MMS22L: variants seen among roughly 807,000 people sequenced by gnomAD.
MMS22L encodes protein MMS22-like.
In MMS22L, 74 loss-of-function variants were observed where a neutral mutation model predicts 159.1. That is an observed-to-expected ratio of 0.47 (90% confidence interval 0.39 to 0.56). The LOEUF (loss-of-function observed/expected upper bound fraction) is 0.56. Ranked by LOEUF, MMS22L falls within the 20% of genes least tolerant of loss-of-function variation. The probability of loss-of-function intolerance (pLI) is 0.00; values close to 1 mark genes in which losing one functional copy is unlikely to be tolerated. For missense variants in MMS22L, 1,351 were observed against 1,422.1 expected, an observed-to-expected ratio of 0.95 and a Z score of 0.80; for synonymous variants, 517 against 506.9, an observed-to-expected ratio of 1.02 and a Z score of -0.27.
intron 16 of MMS22L, among the ~76,000 whole-genome samples, chr6:97,181,595 T>C (rs373528111): frequency 5.5e-4 from 84 of 152,282 alleles, no homozygotes; most frequent in African/African-American, 1.9e-3. Flanking sequence ...TAATAATAAA[T>C]GTGTAATTTC....
At chr6:97,281,179 C>T (rs2128104324) in intron 3 of MMS22L, 58 bp downstream of exon 3, 7 of 1,521,222 alleles carry the variant, frequency 4.6e-6, no homozygotes, top group South Asian at 3.8e-5. Context: ...CACCCAACAA[C>T]GTAATTTACA....
chr6:97,202,876 T>C (rs1000954345), intron 14 of MMS22L, among the ~76,000 whole-genome samples: 1 of 152,200 alleles, frequency 6.6e-6, no homozygotes, highest in African/African-American at 2.4e-5. Context: ...TAAAGAACTA[T>C]ACTACTAATC....
chr6:97,220,445 T>C (rs1455812978), intron 14 of MMS22L, among the ~76,000 whole-genome samples: 1 of 152,052 alleles, frequency 6.6e-6, no homozygotes, highest in Non-Finnish European at 1.5e-5. Context: ...AACCAATAAA[T>C]TGTATGGTGT....
chr6:97,277,942 T>G (rs1336394058), intron 4 of MMS22L, among the ~76,000 whole-genome samples: 3 of 152,196 alleles, frequency 2.0e-5, no homozygotes. Flanking sequence ...TGTTAAGCAC[T>G]TAACACGCTC....
At chr6:97,264,091 T>C (rs913486925) in intron 8 of MMS22L, 2 of 152,174 alleles carry the variant, frequency 1.3e-5, no homozygotes, top group African/African-American at 4.8e-5. Flanking sequence ...TACTGAACTC[T>C]GCCATTTCAG....
intron 24 of MMS22L, among the ~76,000 whole-genome samples, chr6:97,149,087 G>A (rs1181693451): frequency 1.3e-5 from 2 of 152,146 alleles, no homozygotes; most frequent in South Asian, 2.1e-4. Context: ...CATTGCCTAG[G>A]TGTGTGGTAT....
intron 21 of MMS22L, among the ~76,000 whole-genome samples, chr6:97,164,007 G>C (rs1205470692): frequency 6.6e-6 from 1 of 151,980 alleles, no homozygotes; most frequent in Admixed American, 6.6e-5. Context: ...TTAATGGCAG[G>C]GAAGTTTCAT....
intron 14 of MMS22L, among the ~76,000 whole-genome samples, chr6:97,206,950 CATT>C (rs1026750686): frequency 1.3e-5 from 2 of 152,194 alleles, no homozygotes; most frequent in African/African-American, 4.8e-5. Context: ...TCTTTCCCAT[CATT>C]AACTGAAATA....
At chr6:97,257,416 G>A (rs1198182192) in intron 9 of MMS22L, among the ~76,000 whole-genome samples, 2 of 152,042 alleles carry the variant, frequency 1.3e-5, no homozygotes, top group African/African-American at 4.8e-5. Context: ...TATTTTTAGA[G>A]TATACCAGTT....
rs755430940 is a variant in MMS22L, at chr6:97,186,689, T to G, written c.2041A>C (p.Ser681Arg). ...TCCTGACACAATTGTTGATGCATACTCCTAAAAAGAAATAAAAATACAGCT... is the reference window on the plus strand; with the variant it reads ...TCCTGACACAATTGTTGATGCATACGCCTAAAAAGAAATAAAAATACAGCT... ...FLQAVLARIR[S>R]MHQQLCQELQ... Residue 681 changes from serine (S) to arginine (R), a missense_variant and splice_region_variant, in exon 15 of 25, where the codon AGT becomes CGT. Physicochemically the swap from Ser to Arg is moderately radical, Grantham distance 110. Transcript: ENST00000683635. 4 of 1,515,920 alleles carry G rather than the reference T, an allele frequency of 2.6e-6. No homozygotes were observed. In the Admixed American group the frequency reaches 9.0e-5, roughly 34 times the overall value. The allele number at this position is 1,515,920 out of a possible 1,614,324, so 93.9% of individuals were successfully genotyped here. A position where few individuals can be genotyped will look rare whatever the true frequency, so the allele number is the denominator to read the frequency against.
At chr6:97,165,163 C>A in intron 21 of MMS22L, 83 bp downstream of exon 21, 1 of 1,225,046 alleles carries the variant, frequency 8.2e-7, no homozygotes, top group South Asian at 1.3e-5. Context: ...TAAGGGTTGC[C>A]AATATGTTTG....
chr6:97,208,159 C>T (rs1006545573), intron 14 of MMS22L, among the ~76,000 whole-genome samples: 1 of 152,076 alleles, frequency 6.6e-6, no homozygotes, highest in Non-Finnish European at 1.5e-5. Flanking sequence ...TTCCCTTTAT[C>T]ACTCAATCCC....
chr6:97,223,393 A>T (rs1174032331), intron 14 of MMS22L, among the ~76,000 whole-genome samples: 2 of 152,114 alleles, frequency 1.3e-5, no homozygotes, highest in African/African-American at 4.8e-5. Flanking sequence ...AAATATCATC[A>T]ATCTATATAA....
At position 97,247,181 on chromosome 6, in the gene MMS22L, C is replaced by T. The variant is rs573453317; in HGVS notation, c.1120-491G>A. On this transcript the variant is annotated intron_variant, in intron 10 of 24. Coordinates refer to ENST00000683635, the MANE Select transcript of MMS22L (RefSeq NM_001350599.2). ...ACAGAAAATAAATTGACAACCTCGACTATCTAGAATGATTTCCATAAGGAA... is the reference window on the plus strand; with the variant it reads ...ACAGAAAATAAATTGACAACCTCGATTATCTAGAATGATTTCCATAAGGAA... 7.0e-4 allele frequency among the ~76,000 whole-genome samples: 107 copies of T among 152,148 alleles called. 1 individual carries two copies. The highest frequency in any genetic ancestry group is 6.8e-3 in the Middle Eastern group (2 of 294).
chr6:97,163,925 A>G (rs897066517), intron 21 of MMS22L, among the ~76,000 whole-genome samples: 5 of 152,104 alleles, frequency 3.3e-5, no homozygotes, highest in African/African-American at 1.2e-4. Flanking sequence ...ACATTTGGAA[A>G]CGGTAAGTGA....
intron 9 of MMS22L, among the ~76,000 whole-genome samples, chr6:97,262,756 T>C (rs1208122497): frequency 1.3e-5 from 2 of 151,490 alleles, no homozygotes; most frequent in African/African-American, 4.9e-5. Flanking sequence ...CCCTTTCATA[T>C]AACATAAACC....
At chr6:97,242,610 G>A (rs1273393028) in intron 11 of MMS22L, among the ~76,000 whole-genome samples, 1 of 152,126 alleles carries the variant, frequency 6.6e-6, no homozygotes, top group East Asian at 1.9e-4. Flanking sequence ...TGAGATGTAA[G>A]GTACTATTCT....
chr6:97,142,191 A>G lies in MMS22L; in HGVS notation c.*4615T>C, dbSNP rs1800671657. 6.6e-6 allele frequency: 1 copy of G among 151,808 alleles called. No homozygotes were observed. The highest frequency in any genetic ancestry group is 1.9e-4 in the East Asian group (1 of 5,188). The allele number at this position is 151,808 out of a possible 1,614,324, so 9.4% of individuals were successfully genotyped here. A position where few individuals can be genotyped will look rare whatever the true frequency, so the allele number is the denominator to read the frequency against. On this transcript the variant is annotated 3_prime_UTR_variant, in exon 25 of 25. Transcript: ENST00000683635. ...TACATATATACTTTTATTATTATAT[A>G]TAATTTTATCATATGCACAAATAAC...
intron 17 of MMS22L, 29 bp downstream of exon 17, chr6:97,179,379 T>A (rs760198067): frequency 1.3e-6 from 2 of 1,598,300 alleles, no homozygotes; most frequent in South Asian, 1.1e-5. Flanking sequence ...GATACCCCCA[T>A]CCTCCCCAAA....
Sources: allele counts gnomAD v4.1 joint callset (sites outside exome capture counted in the v4.1 genomes callset), GRCh38; gene constraint gnomAD v4.1.1; transcripts MANE v1.5; gene names NCBI Gene and HGNC (gene_info 2026-07-23, HGNC 2026-07-21).